Variants in TTC29 observed in about 807,000 individuals in gnomAD.
The protein encoded by TTC29 is tetratricopeptide repeat protein 29.
A neutral mutation model predicts 58.1 loss-of-function variants in TTC29; 49 were observed. That is an observed-to-expected ratio of 0.84 (90% CI 0.67 to 1.07). TTC29 has a LOEUF of 1.07. TTC29 is among the 50% of genes least tolerant of loss of function. TTC29 has a pLI of 0.00. For synonymous variants in TTC29, 209 were observed against 196.8 expected (o/e 1.06, Z -0.52); for missense variants, 582 against 555.6 (o/e 1.05, Z -0.48).
intron 6 of TTC29, among the ~76,000 whole-genome samples, chr4:146,875,808 C>A (rs1731218617): frequency 2.0e-5 from 3 of 152,170 alleles, no homozygotes; most frequent in Non-Finnish European, 4.4e-5. Flanking sequence ...TATATCTTCT[C>A]CAAGCTAAAA....
intron 8 of TTC29, among the ~76,000 whole-genome samples, chr4:146,864,633 G>T (rs1337148076): frequency 1.3e-5 from 2 of 152,104 alleles, no homozygotes; most frequent in African/African-American, 2.4e-5. Context: ...CTTTTTAAAG[G>T]CTGTAGGAGA....
At chr4:146,930,456 C>G (rs1190971293) in intron 4 of TTC29, among the ~76,000 whole-genome samples, 2 of 152,014 alleles carry the variant, frequency 1.3e-5, no homozygotes, top group East Asian at 3.9e-4. Context: ...CCTGGTGAAG[C>G]AAAAGAGTTC....
At chr4:146,849,235 T>C (rs924283899) in intron 8 of TTC29, among the ~76,000 whole-genome samples, 1 of 152,216 alleles carries the variant, frequency 6.6e-6, no homozygotes, top group Non-Finnish European at 1.5e-5. Flanking sequence ...TATATATTAA[T>C]ATTCCCATTG....
At chr4:146,891,088 T>G (rs1193427764) in intron 6 of TTC29, among the ~76,000 whole-genome samples, 1 of 152,088 alleles carries the variant, frequency 6.6e-6, no homozygotes, top group Admixed American at 6.6e-5. Context: ...GCTCAGAAGT[T>G]TATTAGTCAA....
chr4:146,801,152 C>T (rs970606807), intron 11 of TTC29, among the ~76,000 whole-genome samples: 3 of 152,130 alleles, frequency 2.0e-5, no homozygotes, highest in Non-Finnish European at 2.9e-5. Flanking sequence ...ATTTAATGAA[C>T]AGGCAGTGGG....
Position 146,719,068 on chromosome 4 carries a change from ACT to A in TTC29, c.1331-11519_1331-11518del, listed in dbSNP as rs1743161746. Among the ~76,000 whole-genome samples the A allele has an allele frequency of 3.3e-5, 5 of 152,034 alleles. No homozygotes were observed. In the South Asian group the frequency reaches 1.0e-3, roughly 32 times the overall value. On this transcript the variant is annotated intron_variant, in intron 11 of 12. Transcript: ENST00000325106. Reference sequence around the variant, plus strand: ...CTCTATTCTGTTCTATTGGTCAATAACTCTATTTTTTGCCAGTATCACACTGT... The same window carrying A: ...CTCTATTCTGTTCTATTGGTCAATAACTATTTTTTGCCAGTATCACACTGT...
At chr4:146,852,377 TACA>T (rs1044748651) in intron 8 of TTC29, among the ~76,000 whole-genome samples, 4 of 152,166 alleles carry the variant, frequency 2.6e-5, no homozygotes, top group Non-Finnish European at 4.4e-5. Flanking sequence ...CTCTACCAAT[TACA>T]ACAACATCAG....
intron 11 of TTC29, among the ~76,000 whole-genome samples, chr4:146,762,982 G>A (rs546859740): frequency 3.9e-5 from 6 of 152,128 alleles, no homozygotes; most frequent in South Asian, 2.1e-4. Context: ...TCCCTAGGGC[G>A]GAAGTTTTCA....
Position 146,734,051 on chromosome 4 carries a change from A to G in TTC29, c.1331-26500T>C, listed in dbSNP as rs145280658. On this transcript the variant is annotated intron_variant, in intron 11 of 12. Coordinates refer to ENST00000325106, the MANE Select transcript of TTC29 (RefSeq NM_031956.4). ...AGAAGAAATGTTAGACAACTGGCCA[A>G]AGGAGAGCTACAAAACTTTTAAATC... is the stretch of plus-strand genomic sequence containing the variant. 1.1e-3 allele frequency among the ~76,000 whole-genome samples: 165 copies of G among 152,290 alleles called. 3 individuals are homozygous for G. Among genetic ancestry groups the G allele is most frequent in the African/African-American group, 3.8e-3 (158 of 41,566 alleles).
intron 4 of TTC29, among the ~76,000 whole-genome samples, chr4:146,917,658 A>G (rs1174093675): frequency 3.3e-5 from 3 of 92,074 alleles, no homozygotes; most frequent in African/African-American, 9.8e-5. Flanking sequence ...ATATTTATAT[A>G]AAATTATGCA....
chr4:146,907,268 G>T (rs922011053), intron 5 of TTC29, among the ~76,000 whole-genome samples: 53 of 152,118 alleles, frequency 3.5e-4, no homozygotes, highest in Non-Finnish European at 4.1e-4. Context: ...TTATAAATTT[G>T]AAAAAGCTTT....
intron 6 of TTC29, among the ~76,000 whole-genome samples, chr4:146,881,204 G>A (rs34571619): frequency 0.35 from 52,829 of 151,896 alleles, 9,387 homozygotes; most frequent in South Asian, 0.41. Flanking sequence ...TTAGCTCCAT[G>A]CATCAGCAAT....
chr4:146,881,784 A>G (rs1313622280), intron 6 of TTC29, among the ~76,000 whole-genome samples: 1 of 152,114 alleles, frequency 6.6e-6, no homozygotes, highest in Non-Finnish European at 1.5e-5. Flanking sequence ...GTTGTGCACT[A>G]TAACCCACTG....
intron 11 of TTC29, among the ~76,000 whole-genome samples, chr4:146,747,385 G>T (rs950522649): frequency 6.6e-6 from 1 of 152,288 alleles, no homozygotes; most frequent in Middle Eastern, 3.4e-3. Context: ...CAGGAACCTG[G>T]TAGCATGCCA....
At chr4:146,723,140 C>T (rs1206828782) in intron 11 of TTC29, among the ~76,000 whole-genome samples, 12 of 151,816 alleles carry the variant, frequency 7.9e-5, no homozygotes, top group South Asian at 2.1e-4. Flanking sequence ...CCCAGCTACT[C>T]GGGAGGCTGA....
chr4:146,841,972 T>C (rs556240381), intron 8 of TTC29, among the ~76,000 whole-genome samples: 1 of 152,278 alleles, frequency 6.6e-6, no homozygotes, highest in South Asian at 2.1e-4. Context: ...TTAGTGCTTA[T>C]CTAACCTAGT....
intron 11 of TTC29, among the ~76,000 whole-genome samples, chr4:146,787,432 G>C (rs944301212): frequency 1.3e-5 from 2 of 152,322 alleles, no homozygotes; most frequent in Non-Finnish European, 2.9e-5. Context: ...GGTAGTAGTT[G>C]TAGCAAAAGC....
chr4:146,894,543 G>C (rs537069251), intron 6 of TTC29, among the ~76,000 whole-genome samples: 1 of 134,164 alleles, frequency 7.5e-6, no homozygotes, highest in Non-Finnish European at 1.6e-5. Context: ...GGTTGGGGGA[G>C]GGGGGAGGGA....
intron 8 of TTC29, among the ~76,000 whole-genome samples, chr4:146,866,473 C>T (rs2150207995): frequency 6.6e-6 from 1 of 152,236 alleles, no homozygotes; most frequent in East Asian, 1.9e-4. Flanking sequence ...ACCAGCCACT[C>T]TTCCCTTTGC....
Sources: allele counts gnomAD v4.1 joint callset (sites outside exome capture counted in the v4.1 genomes callset), GRCh38; gene constraint gnomAD v4.1.1; transcripts MANE v1.5; gene names NCBI Gene and HGNC (gene_info 2026-07-23, HGNC 2026-07-21).